The following AMMECR1 variants were observed in gnomAD, a reference collection of about 807,000 sequenced individuals.
AMMECR1 encodes the protein nuclear protein AMMECR1.
In AMMECR1, 3 loss-of-function variants were observed where a neutral mutation model predicts 22.5. That is an observed-to-expected ratio of 0.13 (90% CI 0.06 to 0.35). The LOEUF (loss-of-function observed/expected upper bound fraction) is 0.35, where lower values mean the gene tolerates loss of function less well. Among genes scored for constraint, AMMECR1 ranks in the 10% least tolerant of loss-of-function variants. The pLI, the probability that AMMECR1 is intolerant of heterozygous loss-of-function variation, is 1.00. For missense variants in AMMECR1, 235 were observed against 278.7 expected (o/e 0.84, Z 1.12); for synonymous variants, 130 against 116.7 (o/e 1.11, Z -0.74).
At chrX:110,210,558 A>C (rs1226149812) in intron 3 of AMMECR1, among the ~76,000 whole-genome samples, 1 of 112,009 alleles carries the variant, frequency 8.9e-6, no homozygotes, top group Non-Finnish European at 1.9e-5. Context: ...TGGCACATTA[A>C]GAGGAGCTAA....
At chrX:110,202,760 A>G (rs1386185995) in intron 3 of AMMECR1, among the ~76,000 whole-genome samples, 3 of 111,687 alleles carry the variant, frequency 2.7e-5, no homozygotes, top group Non-Finnish European at 5.7e-5. Flanking sequence ...GCACTAGGCT[A>G]TGATACTATG....
chrX:110,242,130 G>A lies in AMMECR1; in HGVS notation c.584+22359C>T, dbSNP rs779382806. Among the ~76,000 whole-genome samples, 3 of 111,553 alleles carry A rather than the reference G, an allele frequency of 2.7e-5. No homozygotes were observed. In the South Asian group the frequency reaches 1.1e-3, roughly 42 times the overall value. ...TGGATTTGTACAGGTTTCCCTTACT[G>A]TAAGACACAAAACTTGCACATCATC... On this transcript the variant is annotated intron_variant, in intron 2 of 5. Coordinates refer to ENST00000262844, the MANE Select transcript of AMMECR1 (RefSeq NM_015365.3).
intron 1 of AMMECR1, among the ~76,000 whole-genome samples, chrX:110,264,800 C>T (rs2067759196): frequency 9.0e-6 from 1 of 111,354 alleles, no homozygotes; most frequent in Admixed American, 9.5e-5. Flanking sequence ...TGAGTGTATC[C>T]TATATGTTTG....
intron 2 of AMMECR1, among the ~76,000 whole-genome samples, chrX:110,363,951 G>A (rs1166379867): frequency 8.9e-6 from 1 of 111,826 alleles, no homozygotes; most frequent in Non-Finnish European, 1.9e-5. Context: ...CCCATAAAAC[G>A]GAATGAGTGG....
Position 110,318,066 on chromosome X carries a change from C to A in AMMECR1, c.6G>T (p.Ala2=). 8.3e-7 allele frequency: 1 copy of A among 1,197,850 alleles called. No individual in the cohort carries two copies. Among genetic ancestry groups the A allele is most frequent in the South Asian group, 1.8e-5 (1 of 54,687 alleles). Residue 2 remains alanine, a synonymous_variant, in exon 1 of 6, where the codon GCG becomes GCT. Coordinates refer to ENST00000262844, the MANE Select transcript of AMMECR1 (RefSeq NM_015365.3). ...GCTTCTTCACCCCGCAGCAACCCGC[C>A]GCCATCTTGGAACAGTCTCCCCCAC... M[A]AGCCGVKKQK...
intron 2 of AMMECR1, among the ~76,000 whole-genome samples, chrX:110,220,709 T>C (rs1397183785): frequency 8.9e-6 from 1 of 111,986 alleles, no homozygotes; most frequent in Non-Finnish European, 1.9e-5. Flanking sequence ...AATTCAAATA[T>C]ATTCAATTCA....
chrX:110,250,381 A>C (rs1005917754), intron 2 of AMMECR1, among the ~76,000 whole-genome samples: 1 of 111,847 alleles, frequency 8.9e-6, no homozygotes, highest in African/African-American at 3.3e-5. Context: ...AGCCAACTCC[A>C]GAAGTCTAAG....
At chrX:110,392,882 G>A (rs1405842845) in intron 2 of AMMECR1, among the ~76,000 whole-genome samples, 5 of 112,041 alleles carry the variant, frequency 4.5e-5, no homozygotes, top group Admixed American at 2.8e-4. Flanking sequence ...AAGATTTGAT[G>A]GTATGTATAT....
chrX:110,423,330 AAAAAAAAAAAAG>A (rs1417868887), intron 2 of AMMECR1, among the ~76,000 whole-genome samples: 1 of 105,948 alleles, frequency 9.4e-6, no homozygotes, highest in Non-Finnish European at 1.9e-5. Context: ...CTCGGTCTCA[AAAAAAAAAAAAG>A]AAAAAGAAAA....
chrX:110,330,436 C>G (rs2068116249), intron 2 of AMMECR1, among the ~76,000 whole-genome samples: 1 of 111,723 alleles, frequency 9.0e-6, no homozygotes, highest in African/African-American at 3.2e-5. Flanking sequence ...CCCTTCCAAT[C>G]CTCAAACTGT....
intron 2 of AMMECR1, among the ~76,000 whole-genome samples, chrX:110,390,896 C>T (rs2068489563): frequency 8.9e-6 from 1 of 111,803 alleles, no homozygotes; most frequent in Admixed American, 9.5e-5. Context: ...ATTCTTGAAC[C>T]AGCTTCAGTG....
chrX:110,341,159 T>C (rs1365610002), intron 2 of AMMECR1, among the ~76,000 whole-genome samples: 3 of 112,687 alleles, frequency 2.7e-5, no homozygotes, highest in African/African-American at 9.7e-5. Context: ...TACTGAACAA[T>C]ATTGTTTGTG....
At chrX:110,260,987 G>A (rs1214005652) in intron 2 of AMMECR1, among the ~76,000 whole-genome samples, 1 of 111,659 alleles carries the variant, frequency 9.0e-6, no homozygotes, top group African/African-American at 3.3e-5. Context: ...ACCTAGAGTA[G>A]TCAAATTCAT....
At position 110,317,579 on chromosome X, in the gene AMMECR1, G is replaced by T. The variant is rs762244129; in HGVS notation, c.473+20C>A. 4 of 1,147,428 alleles carry T rather than the reference G, an allele frequency of 3.5e-6. No homozygotes were observed. The East Asian group carries it at 1.2e-4, about 35-fold the overall frequency. 94.6% of individuals were successfully genotyped at this position (1,147,428 alleles called of 1,213,427 possible). A position where few individuals can be genotyped will look rare whatever the true frequency, so the allele number is the denominator to read the frequency against. On this transcript the variant is annotated intron_variant, in intron 1 of 5. Coordinates refer to ENST00000262844, the MANE Select transcript of AMMECR1 (RefSeq NM_015365.3). ...CATCCCGAGCGCAAGGGAGAGGGCG[G>T]CGGAGGGCACGGTACTCACTAGGGC...
intron 2 of AMMECR1, among the ~76,000 whole-genome samples, chrX:110,259,622 C>T (rs1311468556): frequency 3.8e-5 from 4 of 104,572 alleles, no homozygotes; most frequent in East Asian, 3.0e-4. Context: ...GATGGAGTCT[C>T]GCTCTGTCAC....
At chrX:110,244,475 G>A (rs1300944978) in intron 2 of AMMECR1, among the ~76,000 whole-genome samples, 2 of 111,747 alleles carry the variant, frequency 1.8e-5, no homozygotes, top group African/African-American at 6.5e-5. Flanking sequence ...AAATTGAGTC[G>A]TATATGTCCA....
intron 1 of AMMECR1, among the ~76,000 whole-genome samples, chrX:110,277,376 G>A (rs2067831279): frequency 9.9e-6 from 1 of 101,239 alleles, no homozygotes; most frequent in South Asian, 5.1e-4. Context: ...AGAATACTTG[G>A]ACACAGGGTG....
chrX:110,421,053 G>C (rs1253948643), intron 2 of AMMECR1, among the ~76,000 whole-genome samples: 1 of 112,173 alleles, frequency 8.9e-6, no homozygotes, highest in Non-Finnish European at 1.9e-5. Context: ...AGGCAATCAT[G>C]ATATGCTGGT....
rs144172928 is a variant in AMMECR1 at position 110,205,490 on chromosome X, C to T, written c.700-2954G>A. On this transcript the variant is annotated intron_variant, in intron 3 of 5. Transcript: ENST00000262844. ...AATTATAAACTAGATAAAAGATCAG[C>T]GAACCAGGGAACTGGGATTCCCCGA... Among the ~76,000 whole-genome samples the T allele has an allele frequency of 5.3e-3, 598 of 111,793 alleles. 3 individuals are homozygous for T. Among genetic ancestry groups the T allele is most frequent in the African/African-American group, 0.019 (578 of 30,804 alleles).
Sources: allele counts gnomAD v4.1 joint callset (sites outside exome capture counted in the v4.1 genomes callset), GRCh38; gene constraint gnomAD v4.1.1; transcripts MANE v1.5; gene names NCBI Gene and HGNC (gene_info 2026-07-23, HGNC 2026-07-21).